The following FGF13 variants were observed in gnomAD, a reference collection of about 807,000 sequenced individuals.
FGF13 encodes the protein fibroblast growth factor 13, also known as fibroblast growth factor homologous factor 2.
In FGF13, 2 loss-of-function variants were observed where a neutral mutation model predicts 19.5. That is an observed-to-expected ratio of 0.10 (90% confidence interval 0.04 to 0.32). FGF13 has a LOEUF of 0.32. Ranked by LOEUF, FGF13 falls within the 10% of genes least tolerant of loss-of-function variation. The pLI is 1.00. For missense variants in FGF13, 113 were observed against 192.7 expected (o/e 0.59, Z 2.45); for synonymous variants, 72 against 76.9 (o/e 0.94, Z 0.33).
intron 3 of FGF13, among the ~76,000 whole-genome samples, chrX:138,808,321 C>A (rs760870504): frequency 6.3e-5 from 7 of 111,959 alleles, no homozygotes; most frequent in Non-Finnish European, 9.4e-5. Flanking sequence ...GGAAAGTGAA[C>A]AACCTGCTCC....
At chrX:138,798,625 G>A (rs1472351639) in intron 3 of FGF13, among the ~76,000 whole-genome samples, 13 of 111,892 alleles carry the variant, frequency 1.2e-4, no homozygotes, top group African/African-American at 4.2e-4. Flanking sequence ...GATTGGAATA[G>A]TTTCAGAAGG....
At position 138,892,032 on chromosome X, in the gene FGF13, G is replaced by GTGTGTGTGTGTA. The variant is rs1569419135; in HGVS notation, c.-112-27383_-112-27382insTACACACACACA. On this transcript the variant is annotated intron_variant, in intron 1 of 2. Coordinates refer to the FGF13 transcript ENST00000421460. ...TGTGTGTGTGTGTGTGTGTGTGTGT[G>GTGTGTGTGTGTA]TATTATCTCCTACTAGTTCTGTCCC... 2.3e-3 allele frequency among the ~76,000 whole-genome samples: 246 copies of GTGTGTGTGTGTA among 108,337 alleles called. 2 individuals are homozygous for GTGTGTGTGTGTA. Among genetic ancestry groups the GTGTGTGTGTGTA allele is most frequent in the African/African-American group, 8.1e-3 (236 of 29,207 alleles). 94.1% of individuals were successfully genotyped at this position (108,337 alleles called of 115,157 possible).
chrX:138,662,005 A>G (rs2089494995), intron 3 of FGF13, among the ~76,000 whole-genome samples: 1 of 111,969 alleles, frequency 8.9e-6, no homozygotes, highest in Non-Finnish European at 1.9e-5. Context: ...ATTAACCAAG[A>G]TTTTCTTCTC....
chrX:138,967,524 G>A (rs1003594151), intron 1 of FGF13, among the ~76,000 whole-genome samples: 1 of 111,283 alleles, frequency 9.0e-6, no homozygotes, highest in Admixed American at 9.6e-5. Context: ...AAGTAAAACT[G>A]GACAAGGAGG....
chrX:139,133,457 A>T (rs6635772), intron 1 of FGF13, among the ~76,000 whole-genome samples: 31,513 of 109,461 alleles, frequency 0.29, 3,959 homozygotes, highest in African/African-American at 0.47. Flanking sequence ...CAAAGGGTAT[A>T]CATCCAAAGG....
Position 138,627,654 on chromosome X carries a change from GTGTT to G in FGF13, c.*5192_*5195del, listed in dbSNP as rs1436753213. The G allele has an allele frequency of 1.9e-5, 2 of 105,888 alleles. No homozygotes were observed. Among genetic ancestry groups the G allele is most frequent in the Non-Finnish European group, 3.9e-5 (2 of 51,567 alleles). The allele number at this position is 105,888 out of a possible 1,213,427, so 8.7% of individuals were successfully genotyped here. On this transcript the variant is annotated 3_prime_UTR_variant, in exon 5 of 5. Coordinates refer to ENST00000315930, the MANE Select transcript of FGF13 (RefSeq NM_004114.5). ...GCGTGTGTGTGTGTGTGTGTGTGAA[GTGTT>G]TGTACAAAAGAGAAATAGGCAGTGT... is the stretch of plus-strand genomic sequence containing the variant.
intron 3 of FGF13, among the ~76,000 whole-genome samples, chrX:138,642,228 C>T (rs1457247656): frequency 1.6e-5 from 1 of 63,879 alleles, no homozygotes; most frequent in Non-Finnish European, 2.9e-5. Flanking sequence ...GGGAGGGAAG[C>T]AGGGAGGGAG....
At chrX:138,878,538 A>C (rs1440493377) in intron 1 of FGF13, among the ~76,000 whole-genome samples, 3 of 107,312 alleles carry the variant, frequency 2.8e-5, no homozygotes, top group Non-Finnish European at 5.7e-5. Context: ...CATTTTCTTA[A>C]TCCAGTCTAT....
chrX:139,120,581 T>C (rs1284573624), intron 1 of FGF13, among the ~76,000 whole-genome samples: 4 of 112,120 alleles, frequency 3.6e-5, no homozygotes, highest in African/African-American at 9.7e-5. Context: ...AGTGATAAGC[T>C]GTCTGGGGCC....
chrX:138,715,401 G>A (rs1281200469), upstream of FGF13, among the ~76,000 whole-genome samples: 2 of 112,301 alleles, frequency 1.8e-5, no homozygotes, highest in African/African-American at 3.2e-5. Flanking sequence ...TAAAAGTAAT[G>A]AAAAGTAATA....
chrX:138,803,438 T>C lies in FGF13; in HGVS notation c.217+54074A>G, dbSNP rs150473075. 1.6e-4 allele frequency among the ~76,000 whole-genome samples: 18 copies of C among 112,073 alleles called. 1 individual carries two copies. In the East Asian group the frequency reaches 5.1e-3, roughly 32 times the overall value. The stretch of plus-strand genomic sequence containing the variant: ...GCATCTAGACTGCTTGGAGTGGGCA[T>C]CATCTCATGTTTATTGAAGTCCATT... On this transcript the variant is annotated intron_variant, in intron 3 of 6. Transcript: ENST00000436198.
At chrX:139,074,368 G>A (rs2092386068) in intron 1 of FGF13, among the ~76,000 whole-genome samples, 2 of 112,140 alleles carry the variant, frequency 1.8e-5, no homozygotes, top group African/African-American at 6.5e-5. Flanking sequence ...ATGCGCAGCA[G>A]ATAATCTGAG....
At chrX:139,082,120 C>T (rs961011077) in intron 1 of FGF13, among the ~76,000 whole-genome samples, 16 of 111,354 alleles carry the variant, frequency 1.4e-4, no homozygotes, top group South Asian at 3.8e-4. Flanking sequence ...GCCTTCACAC[C>T]GCACTCTAGC....
intron 1 of FGF13, among the ~76,000 whole-genome samples, chrX:138,962,799 G>A (rs182944938): frequency 4.5e-5 from 5 of 111,385 alleles, no homozygotes; most frequent in Admixed American, 3.8e-4. Flanking sequence ...TGAACAATGA[G>A]AACACTTGGA....
intron 3 of FGF13, among the ~76,000 whole-genome samples, chrX:138,832,394 C>T (rs1034817997): frequency 6.3e-5 from 7 of 111,544 alleles, no homozygotes. Context: ...TTTTGATTTG[C>T]ATTACTCTAA....
At chrX:138,662,294 A>G (rs1051999275) in intron 3 of FGF13, among the ~76,000 whole-genome samples, 4 of 111,765 alleles carry the variant, frequency 3.6e-5, no homozygotes, top group Non-Finnish European at 7.5e-5. Flanking sequence ...ACAAGAGTAC[A>G]GTAATAGGTA....
At chrX:138,857,594 C>T (rs1244951319) in exon 3 of FGF13, 1 of 1,207,578 alleles carries the variant, frequency 8.3e-7, no homozygotes, top group Admixed American at 2.2e-5. Flanking sequence ...GAAAGGGGGA[C>T]TCTTTTTTCT....
chrX:139,167,493 T>A (rs1181427093), intron 1 of FGF13, among the ~76,000 whole-genome samples: 1 of 111,815 alleles, frequency 8.9e-6, no homozygotes, highest in African/African-American at 3.2e-5. Flanking sequence ...GTTGGCAACA[T>A]CTGAAAATGA....
At chrX:138,902,764 T>C (rs2124212368) in intron 1 of FGF13, among the ~76,000 whole-genome samples, 1 of 111,991 alleles carries the variant, frequency 8.9e-6, no homozygotes, top group South Asian at 3.7e-4. Context: ...AGTCTATATA[T>C]GTTTGCTAAT....
Sources: allele counts gnomAD v4.1 joint callset (sites outside exome capture counted in the v4.1 genomes callset), GRCh38; gene constraint gnomAD v4.1.1; transcripts MANE v1.5; gene names NCBI Gene and HGNC (gene_info 2026-07-23, HGNC 2026-07-21).